The following KCNH8 variants were observed in gnomAD, a reference collection of about 807,000 sequenced individuals.
The protein encoded by KCNH8 is voltage-gated delayed rectifier potassium channel KCNH8.
In KCNH8, 70 loss-of-function variants were observed where a neutral mutation model predicts 103.6. That is an observed-to-expected ratio of 0.68 (90% CI 0.56 to 0.82). The LOEUF is 0.82. Ranked by LOEUF, KCNH8 falls within the 40% of genes least tolerant of loss-of-function variation. The pLI is 0.00. For missense variants in KCNH8, 1,217 were observed against 1,329.9 expected, an observed-to-expected ratio of 0.92 and a Z score of 1.32; for synonymous variants, 498 against 489.4, an observed-to-expected ratio of 1.02 and a Z score of -0.23.
chr3:19,169,448 G>A (rs1290093630), intron 1 of KCNH8, among the ~76,000 whole-genome samples: 1 of 151,862 alleles, frequency 6.6e-6, no homozygotes, highest in East Asian at 1.9e-4. Flanking sequence ...GGTTTTCACC[G>A]TTTTAGCCAG....
rs1242307832 is a variant in KCNH8, at chr3:19,375,224, C to T, written c.812-15257C>T. The stretch of plus-strand genomic sequence containing the variant: ...GTTTTCCAGGTTGGTTCCATTCTCC[C>T]CATCACTTTCAGGTACACCAATCAG... On this transcript the variant is annotated intron_variant, in intron 5 of 15. Coordinates refer to ENST00000328405, the MANE Select transcript of KCNH8 (RefSeq NM_144633.3). Among the ~76,000 whole-genome samples, 3 of 152,032 alleles carry T rather than the reference C, an allele frequency of 2.0e-5. No homozygotes were observed. The East Asian group carries it at 5.8e-4, about 29-fold the overall frequency.
intron 10 of KCNH8, among the ~76,000 whole-genome samples, chr3:19,452,347 T>G (rs1447341958): frequency 6.6e-6 from 1 of 152,070 alleles, no homozygotes; most frequent in African/African-American, 2.4e-5. Context: ...ATAGTGCCAC[T>G]GAACTCCAGC....
intron 11 of KCNH8, among the ~76,000 whole-genome samples, chr3:19,472,195 CGTGTGT>C (rs57766729): frequency 0.15 from 20,457 of 137,148 alleles, 1,586 homozygotes; most frequent in Admixed American, 0.23. Flanking sequence ...TCACTTCATT[CGTGTGT>C]GTGTGTGTGT....
chr3:19,467,205 G>C (rs1316275580), intron 11 of KCNH8, among the ~76,000 whole-genome samples: 1 of 152,040 alleles, frequency 6.6e-6, no homozygotes, highest in Non-Finnish European at 1.5e-5. Context: ...ATCGTATAGA[G>C]AGTCCATAAA....
At chr3:19,159,184 C>A (rs534904698) in intron 1 of KCNH8, among the ~76,000 whole-genome samples, 41 of 151,694 alleles carry the variant, frequency 2.7e-4, no homozygotes, top group African/African-American at 9.4e-4. Context: ...ATAATGAATT[C>A]AACAGATTTT....
At chr3:19,495,229 G>C (rs367824842) in intron 11 of KCNH8, among the ~76,000 whole-genome samples, 1 of 152,016 alleles carries the variant, frequency 6.6e-6, no homozygotes, top group Non-Finnish European at 1.5e-5. Context: ...TTTTGCCTTT[G>C]TTGCAATTGC....
At chr3:19,369,367 G>T (rs1411361679) in intron 5 of KCNH8, among the ~76,000 whole-genome samples, 2 of 151,586 alleles carry the variant, frequency 1.3e-5, no homozygotes, top group Non-Finnish European at 2.9e-5. Flanking sequence ...CCTTCTCCTT[G>T]CTGGATGTTT....
intron 3 of KCNH8, among the ~76,000 whole-genome samples, chr3:19,330,975 ATCTGCCATCTTCC>A (rs2065497011): frequency 6.6e-6 from 1 of 152,158 alleles, no homozygotes; most frequent in South Asian, 2.1e-4. Flanking sequence ...AAATTGCAGT[ATCTGCCATCTTCC>A]CAGAAAGACA....
At chr3:19,531,695 A>T (rs1298359117) in intron 15 of KCNH8, among the ~76,000 whole-genome samples, 1 of 152,246 alleles carries the variant, frequency 6.6e-6, no homozygotes, top group Non-Finnish European at 1.5e-5. Flanking sequence ...AGGGAGAATT[A>T]GTTTCAGAAT....
intron 15 of KCNH8, among the ~76,000 whole-genome samples, chr3:19,519,806 CTCTCA>C (rs1303665173): frequency 1.3e-5 from 2 of 151,800 alleles, no homozygotes; most frequent in African/African-American, 2.4e-5. Context: ...GAATTCTTTC[CTCTCA>C]TATTTGAGAA....
intron 11 of KCNH8, among the ~76,000 whole-genome samples, chr3:19,493,524 G>A (rs902444788): frequency 6.6e-6 from 1 of 152,026 alleles, no homozygotes; most frequent in African/African-American, 2.4e-5. Context: ...TTCCCCTTCT[G>A]CCATGATTGT....
intron 5 of KCNH8, among the ~76,000 whole-genome samples, chr3:19,364,110 C>T (rs949149216): frequency 9.2e-5 from 14 of 152,034 alleles, no homozygotes; most frequent in African/African-American, 3.1e-4. Flanking sequence ...CTTTAAATCT[C>T]ATTTTTCCTC....
At chr3:19,265,726 T>C (rs1337867808) in intron 2 of KCNH8, among the ~76,000 whole-genome samples, 1 of 152,072 alleles carries the variant, frequency 6.6e-6, no homozygotes, top group African/African-American at 2.4e-5. Flanking sequence ...TCTATGTCTC[T>C]TGAGTTGGAT....
chr3:19,490,984 T>C (rs1283251802), intron 11 of KCNH8, among the ~76,000 whole-genome samples: 2 of 152,144 alleles, frequency 1.3e-5, no homozygotes, highest in Non-Finnish European at 2.9e-5. Flanking sequence ...AAATGCTGAG[T>C]TTCCAATAAA....
At chr3:19,474,704 G>A (rs983836584) in intron 11 of KCNH8, among the ~76,000 whole-genome samples, 7 of 152,134 alleles carry the variant, frequency 4.6e-5, no homozygotes, top group African/African-American at 1.7e-4. Context: ...ATTTAATGAT[G>A]TAATTCCACT....
At chr3:19,393,148 C>T (rs2066464447) in intron 6 of KCNH8, among the ~76,000 whole-genome samples, 1 of 151,924 alleles carries the variant, frequency 6.6e-6, no homozygotes, top group African/African-American at 2.4e-5. Context: ...GCTTATAATT[C>T]TCATCAGTGA....
chr3:19,152,298 G>GA (rs1400297733), intron 1 of KCNH8, among the ~76,000 whole-genome samples: 2 of 151,950 alleles, frequency 1.3e-5, no homozygotes, highest in Admixed American at 6.6e-5. Context: ...ATTTATATTT[G>GA]AAAAAATAGT....
chr3:19,234,737 G>A (rs1302778513), intron 1 of KCNH8, among the ~76,000 whole-genome samples: 2 of 152,258 alleles, frequency 1.3e-5, no homozygotes, highest in Non-Finnish European at 2.9e-5. Context: ...CGCCAAAGTA[G>A]GAGCCCAGGC....
chr3:19,471,888 G>A (rs542960644), intron 11 of KCNH8, among the ~76,000 whole-genome samples: 1 of 152,304 alleles, frequency 6.6e-6, no homozygotes, highest in African/African-American at 2.4e-5. Context: ...GTTTCCATGG[G>A]AGAATCAGCT....
Sources: allele counts gnomAD v4.1 joint callset (sites outside exome capture counted in the v4.1 genomes callset), GRCh38; gene constraint gnomAD v4.1.1; transcripts MANE v1.5; gene names NCBI Gene and HGNC (gene_info 2026-07-23, HGNC 2026-07-21).